Variants in NRXN3 observed in about 807,000 individuals in gnomAD.
NRXN3 encodes neurexin 3, also known as neurexin III.
A neutral mutation model predicts 137.6 loss-of-function variants in NRXN3; 32 were observed. The observed-to-expected ratio is 0.23, with a 90% confidence interval of 0.18 to 0.31. The LOEUF is 0.31. Ranked by LOEUF, NRXN3 falls within the 10% of genes least tolerant of loss-of-function variation. The pLI, the probability that NRXN3 is intolerant of heterozygous loss-of-function variation, is 1.00. For synonymous variants in NRXN3, 798 were observed against 784.5 expected, an observed-to-expected ratio of 1.02 and a Z score of -0.29; for missense variants, 1,574 against 2,062.5, an observed-to-expected ratio of 0.76 and a Z score of 4.59.
chr14:79,244,829 G>T (rs1475503198), intron 15 of NRXN3, among the ~76,000 whole-genome samples: 1 of 152,136 alleles, frequency 6.6e-6, no homozygotes, highest in African/African-American at 2.4e-5. Context: ...CAACTCATTT[G>T]TATGTATCTT....
At chr14:79,010,275 T>C (rs1325856531) in intron 15 of NRXN3, among the ~76,000 whole-genome samples, 4 of 152,144 alleles carry the variant, frequency 2.6e-5, no homozygotes, top group East Asian at 1.9e-4. Context: ...GTGACTTGAG[T>C]ATATAATTGC....
At position 79,861,391 on chromosome 14, in the gene NRXN3, G is replaced by A. The variant is rs764352998; in HGVS notation, c.4143G>A (p.Ala1381=). 3 of 1,536,034 alleles carry A rather than the reference G, an allele frequency of 2.0e-6. No individual in the cohort carries two copies. Among genetic ancestry groups the A allele is most frequent in the African/African-American group, 2.7e-5 (2 of 73,006 alleles). Residue 1381 remains alanine, a synonymous_variant, in exon 21 of 21, where the codon GCG becomes GCA. Transcript: ENST00000335750. This position sits in a 1 kb window ranked among gnomAD's most constrained non-coding sequence, Gnocchi z 5.4. The part of the protein sequence containing the change: ...SIFEGGYKAH[A]PKWESKDFRP... ...TCGAAGGTGGCTACAAAGCACATGC[G>A]CCCAAGTGGGAATCCAAGGACTTTA...
At chr14:78,304,523 C>T (rs2077176006) in intron 4 of NRXN3, among the ~76,000 whole-genome samples, 1 of 152,222 alleles carries the variant, frequency 6.6e-6, no homozygotes, top group African/African-American at 2.4e-5. Flanking sequence ...CAGAGGACTT[C>T]AGCAACCAGC....
At chr14:78,775,717 T>C (rs182798516) in intron 8 of NRXN3, among the ~76,000 whole-genome samples, 1 of 152,234 alleles carries the variant, frequency 6.6e-6, no homozygotes, top group Non-Finnish European at 1.5e-5. Context: ...TTTGAAGACA[T>C]GTTCCTTTCT....
intron 10 of NRXN3, among the ~76,000 whole-genome samples, chr14:78,900,946 G>T (rs561328104): frequency 6.6e-6 from 1 of 152,118 alleles, no homozygotes; most frequent in African/African-American, 2.4e-5. Context: ...GACATCAAAT[G>T]ACTCGCCCAA....
chr14:79,672,823 A>G (rs564142185), intron 17 of NRXN3, among the ~76,000 whole-genome samples: 106 of 152,162 alleles, frequency 7.0e-4, no homozygotes, highest in African/African-American at 2.5e-3. Flanking sequence ...AGTTTTATTT[A>G]TGGGAAAAGT....
At chr14:79,191,033 G>A (rs992829940) in intron 15 of NRXN3, among the ~76,000 whole-genome samples, 2 of 152,096 alleles carry the variant, frequency 1.3e-5, no homozygotes, top group Admixed American at 6.5e-5. Context: ...CTTGGTTATG[G>A]TAACTAAAAG....
At chr14:79,581,832 G>A (rs2097719165) in intron 16 of NRXN3, among the ~76,000 whole-genome samples, 1 of 151,910 alleles carries the variant, frequency 6.6e-6, no homozygotes, top group South Asian at 2.1e-4. Flanking sequence ...AGAAATATAA[G>A]TAACATAAAC....
rs76381022 is a variant in NRXN3 at position 79,188,265 on chromosome 14, T to C, written c.3262+200124T>C. Reference sequence around the variant, plus strand: ...AGAGTCTCTTTCCAAATATAAGACCTAGCATTAAGAAGTATTTCCAAGTCT... The same window carrying C: ...AGAGTCTCTTTCCAAATATAAGACCCAGCATTAAGAAGTATTTCCAAGTCT... On this transcript the variant is annotated intron_variant, in intron 15 of 20. Transcript: ENST00000335750. 8.8e-4 allele frequency among the ~76,000 whole-genome samples: 134 copies of C among 152,296 alleles called. 4 individuals are homozygous for C. The East Asian group carries it at 0.025, about 28-fold the overall frequency.
chr14:79,209,234 G>A (rs192875962), intron 15 of NRXN3, among the ~76,000 whole-genome samples: 6 of 152,068 alleles, frequency 3.9e-5, no homozygotes, highest in South Asian at 4.1e-4. Flanking sequence ...CACTGCGCCC[G>A]GTGTGAAAAG....
chr14:78,729,704 GCACATGCACA>G (rs946791543), intron 8 of NRXN3, among the ~76,000 whole-genome samples: 1 of 152,160 alleles, frequency 6.6e-6, no homozygotes, highest in East Asian at 1.9e-4. Context: ...ACACACACAT[GCACATGCACA>G]CACATGCACA....
intron 4 of NRXN3, among the ~76,000 whole-genome samples, chr14:78,314,451 C>CGTCCT (rs1198066699): frequency 2.0e-5 from 3 of 152,164 alleles, no homozygotes; most frequent in African/African-American, 7.2e-5. Flanking sequence ...AGACACCTTC[C>CGTCCT]GTCCTGTAGC....
At chr14:78,485,402 C>A (rs1486625612) in intron 4 of NRXN3, among the ~76,000 whole-genome samples, 1 of 152,176 alleles carries the variant, frequency 6.6e-6, no homozygotes, top group African/African-American at 2.4e-5. Context: ...GGGCCCCAGG[C>A]TGTATGTCTT....
At chr14:78,201,216 G>T (rs2061645006) in intron 1 of NRXN3, among the ~76,000 whole-genome samples, 1 of 152,178 alleles carries the variant, frequency 6.6e-6, no homozygotes, top group African/African-American at 2.4e-5. Flanking sequence ...TTTAGGACAG[G>T]TGCCTCATTA....
chr14:79,833,058 T>C (rs1335086272), intron 20 of NRXN3, among the ~76,000 whole-genome samples: 1 of 152,130 alleles, frequency 6.6e-6, no homozygotes. Context: ...TCCATGCAAC[T>C]AATAGACTTT....
chr14:79,512,522 A>G (rs975654209), intron 16 of NRXN3, among the ~76,000 whole-genome samples: 2 of 152,224 alleles, frequency 1.3e-5, no homozygotes, highest in Non-Finnish European at 2.9e-5. Context: ...TGACAGATCA[A>G]TGTTGAAGCC....
intron 15 of NRXN3, among the ~76,000 whole-genome samples, chr14:79,353,207 A>G (rs2093290187): frequency 6.6e-6 from 1 of 152,044 alleles, no homozygotes; most frequent in Non-Finnish European, 1.5e-5. Context: ...TTTTCTTGGA[A>G]GAACATTCCT....
chr14:78,918,422 AAGAAC>A (rs1455269902), intron 10 of NRXN3, among the ~76,000 whole-genome samples: 1 of 152,162 alleles, frequency 6.6e-6, no homozygotes, highest in African/African-American at 2.4e-5. Context: ...TTTTATGTGG[AAGAAC>A]AGAACAGAGA....
intron 15 of NRXN3, among the ~76,000 whole-genome samples, chr14:79,335,483 C>T (rs1436945550): frequency 6.6e-6 from 1 of 151,888 alleles, no homozygotes; most frequent in East Asian, 1.9e-4. Context: ...TCACACCCCT[C>T]TATTAACAGA....
Sources: allele counts gnomAD v4.1 joint callset (sites outside exome capture counted in the v4.1 genomes callset), GRCh38; gene constraint gnomAD v4.1.1; non-coding constraint Gnocchi (gnomAD v3.1); transcripts MANE v1.5; gene names NCBI Gene and HGNC (gene_info 2026-07-23, HGNC 2026-07-21).